Variants in RNF10 observed in about 807,000 individuals in gnomAD.
RNF10 encodes the protein ring finger protein 10, also known as E3 ubiquitin-protein ligase RNF10.
Under a neutral mutation model 91.4 loss-of-function variants are expected in RNF10, and 38 were observed. That is an observed-to-expected ratio of 0.42 (90% CI 0.32 to 0.54). RNF10 has a LOEUF of 0.54. Among genes scored for constraint, RNF10 ranks in the 20% least tolerant of loss-of-function variants. The probability of loss-of-function intolerance (pLI) is 0.16; values close to 1 mark genes in which losing one functional copy is unlikely to be tolerated. For missense variants in RNF10, 945 were observed against 1,012.0 expected (o/e 0.93, Z 0.90); for synonymous variants, 364 against 366.3 (o/e 0.99, Z 0.07).
At chr12:120,568,238 C>G (rs1172037856) in intron 13 of RNF10, among the ~76,000 whole-genome samples, 1 of 150,410 alleles carries the variant, frequency 6.6e-6, no homozygotes, top group Non-Finnish European at 1.5e-5. Flanking sequence ...CAGCCAGACC[C>G]TCTCAAAAAA....
At chr12:120,572,277 A>G (rs1391288456) in intron 14 of RNF10, among the ~76,000 whole-genome samples, 1 of 151,818 alleles carries the variant, frequency 6.6e-6, no homozygotes, top group Non-Finnish European at 1.5e-5. Flanking sequence ...CGTATTAGCC[A>G]GTAGGGTCTC....
chr12:120,553,475 T>G lies in RNF10; in HGVS notation c.554+777T>G, dbSNP rs556361409. Among the ~76,000 whole-genome samples, 79 of 148,096 alleles carry G rather than the reference T, an allele frequency of 5.3e-4. 4 individuals carry two copies. The South Asian group carries it at 0.016, about 31-fold the overall frequency. Reference sequence around the variant, plus strand: ...TGGAGTGCAGTGGCACGATCTCAGCTCGCTGCAAGCTCCACCTCCCGGAGC... The same window carrying G: ...TGGAGTGCAGTGGCACGATCTCAGCGCGCTGCAAGCTCCACCTCCCGGAGC... On this transcript the variant is annotated intron_variant, in intron 3 of 16. Transcript: ENST00000325954.
chr12:120,576,901 A>G lies in RNF10; in HGVS notation c.*235A>G. 1 of 487,926 alleles carries G rather than the reference A, an allele frequency of 2.0e-6. No individual in the cohort carries two copies. Among genetic ancestry groups the G allele is most frequent in the Non-Finnish European group, 3.6e-6 (1 of 277,980 alleles). The allele number at this position is 487,926 out of a possible 1,614,324, so 30.2% of individuals were successfully genotyped here. On this transcript the variant is annotated 3_prime_UTR_variant, in exon 17 of 17. Transcript: ENST00000325954. ...TTGACACAAGAGATCTCTTCCTGCC[A>G]AGGTTTTTAGTTCATTGCCAGTTTA...
intron 8 of RNF10, 133 bp downstream of exon 8, chr12:120,563,203 G>C: frequency 1.3e-6 from 2 of 1,493,754 alleles, no homozygotes; most frequent in South Asian, 2.4e-5. Flanking sequence ...CTTGTTATTA[G>C]TTCTTTCCCC....
intron 14 of RNF10, among the ~76,000 whole-genome samples, chr12:120,572,900 CTTT>C (rs35567785): frequency 6.0e-5 from 6 of 100,636 alleles, no homozygotes; most frequent in African/African-American, 1.1e-4. Flanking sequence ...TGCGCCTGGC[CTTT>C]TTTTTTTTTT....
intron 10 of RNF10, 112 bp downstream of exon 10, chr12:120,564,055 T>C: frequency 8.3e-7 from 1 of 1,205,846 alleles, no homozygotes; most frequent in Non-Finnish European, 1.2e-6. Flanking sequence ...AGTTTTTGTA[T>C]TTTTAGTCTT....
At chr12:120,546,384 T>G in intron 1 of RNF10, 21 bp from the exon 2 acceptor site, 1 of 1,599,696 alleles carries the variant, frequency 6.3e-7, no homozygotes, top group Non-Finnish European at 8.5e-7. Flanking sequence ...TAAGACGTTC[T>G]TTTGTGTTTC....
At chr12:120,574,332 G>T in intron 14 of RNF10, 1 of 406,594 alleles carries the variant, frequency 2.5e-6, no homozygotes. Flanking sequence ...GGAATAAAAT[G>T]TTCTCTGCCT....
intron 1 of RNF10, among the ~76,000 whole-genome samples, chr12:120,538,187 T>C (rs1054022535): frequency 2.0e-5 from 3 of 152,208 alleles, no homozygotes; most frequent in African/African-American, 7.2e-5. Flanking sequence ...AAAGATAGTT[T>C]ATCTTTTGTC....
intron 2 of RNF10, among the ~76,000 whole-genome samples, chr12:120,550,892 G>A (rs1019864381): frequency 6.6e-6 from 1 of 152,098 alleles, no homozygotes; most frequent in Non-Finnish European, 1.5e-5. Context: ...CACCACACCC[G>A]GCCCAGAATG....
intron 16 of RNF10, 97 bp from the exon 17 acceptor site, chr12:120,576,493 C>T (rs1342827593): frequency 1.3e-6 from 2 of 1,506,132 alleles, no homozygotes; most frequent in African/African-American, 2.8e-5. Context: ...AGAGCCTCCA[C>T]TCTTAGCTCC....
At chr12:120,552,965 T>G (rs1268625507) in intron 3 of RNF10, among the ~76,000 whole-genome samples, 2 of 151,520 alleles carry the variant, frequency 1.3e-5, no homozygotes, top group African/African-American at 4.8e-5. Context: ...GATTTGAATC[T>G]TGTTTCGGCC....
intron 8 of RNF10, 84 bp downstream of exon 8, chr12:120,563,154 T>A: frequency 6.3e-7 from 1 of 1,584,004 alleles, no homozygotes. Flanking sequence ...GATCTAAACC[T>A]TCTCAAGAGA....
Position 120,573,354 on chromosome 12 carries a change from CT to C in RNF10, c.2142+2071del, listed in dbSNP as rs201461855. 3.3e-5 allele frequency among the ~76,000 whole-genome samples: 5 copies of C among 151,922 alleles called. No individual in the cohort carries two copies. The East Asian group carries it at 5.8e-4, about 18-fold the overall frequency. On this transcript the variant is annotated intron_variant, in intron 14 of 16. Transcript: ENST00000325954. ...ATAACCGTTCCTTTGCCCATATCCCCTTTTTTTTCCCTTCCATGGCCAGTTG... is the reference window on the plus strand; with the variant it reads ...ATAACCGTTCCTTTGCCCATATCCCCTTTTTTTCCCTTCCATGGCCAGTTG...
intron 1 of RNF10, among the ~76,000 whole-genome samples, chr12:120,539,098 ACTGTGTGTCAG>A (rs1565942834): frequency 2.0e-5 from 3 of 152,102 alleles, no homozygotes; most frequent in Non-Finnish European, 4.4e-5. Context: ...TCATAGTAAA[ACTGTGTGTCAG>A]CCACTATGGT....
intron 1 of RNF10, among the ~76,000 whole-genome samples, chr12:120,539,840 C>CT (rs1005508886): frequency 1.5e-4 from 22 of 149,192 alleles, no homozygotes; most frequent in South Asian, 2.1e-4. Flanking sequence ...TCCTCAGGAA[C>CT]TTTTTTTTTT....
intron 4 of RNF10, among the ~76,000 whole-genome samples, chr12:120,556,080 C>T (rs1441635629): frequency 2.0e-5 from 3 of 152,080 alleles, no homozygotes; most frequent in Admixed American, 2.0e-4. Context: ...TGAGCCACCA[C>T]GCCCAGCTTC....
intron 13 of RNF10, among the ~76,000 whole-genome samples, chr12:120,569,338 CT>C (rs1876246060): frequency 6.7e-6 from 1 of 149,904 alleles, no homozygotes; most frequent in African/African-American, 2.5e-5. Context: ...ATATTTAAAA[CT>C]TGTGGTGACC....
chr12:120,565,682 A>C (rs543020253), intron 12 of RNF10, among the ~76,000 whole-genome samples, 153 bp downstream of exon 12: 1 of 152,354 alleles, frequency 6.6e-6, no homozygotes, highest in African/African-American at 2.4e-5. Context: ...GCTTGCTTGC[A>C]AATATAATGA....
Sources: allele counts gnomAD v4.1 joint callset (sites outside exome capture counted in the v4.1 genomes callset), GRCh38; gene constraint gnomAD v4.1.1; transcripts MANE v1.5; gene names NCBI Gene and HGNC (gene_info 2026-07-23, HGNC 2026-07-21).